Variants in CHIC2 observed in about 807,000 individuals in gnomAD.
The protein encoded by CHIC2 is cysteine-rich hydrophobic domain-containing protein 2.
A neutral mutation model predicts 25.9 loss-of-function variants in CHIC2; 14 were observed. The ratio of observed to expected loss-of-function variants is 0.54; its 90% CI spans 0.36 to 0.85. The LOEUF (loss-of-function observed/expected upper bound fraction) is 0.85, where lower values mean the gene tolerates loss of function less well. Ranked by LOEUF, CHIC2 falls within the 40% of genes least tolerant of loss-of-function variation. The pLI, the probability that CHIC2 is intolerant of heterozygous loss-of-function variation, is 0.01. For missense variants in CHIC2, 146 were observed against 202.0 expected, an observed-to-expected ratio of 0.72 and a Z score of 1.68; for synonymous variants, 70 against 72.0, an observed-to-expected ratio of 0.97 and a Z score of 0.14.
intron 3 of CHIC2, among the ~76,000 whole-genome samples, chr4:54,033,194 T>C (rs972331007): frequency 1.3e-5 from 2 of 152,238 alleles, no homozygotes; most frequent in Admixed American, 6.5e-5. Context: ...TATTTCCTTA[T>C]AGCAATGCAA....
chr4:54,023,462 C>A (rs1321755632), intron 3 of CHIC2, among the ~76,000 whole-genome samples: 4 of 152,182 alleles, frequency 2.6e-5, no homozygotes, highest in African/African-American at 7.2e-5. Flanking sequence ...GGGTCTCCCA[C>A]AATTACCACT....
At chr4:54,075,735 G>T in the CHIC2 span, among the ~76,000 whole-genome samples, 1 of 151,966 alleles carries the variant, frequency 6.6e-6, no homozygotes, top group Non-Finnish European at 1.5e-5. Context: ...TGTATTTTTA[G>T]TAGAGATGAG....
chr4:54,068,733 C>T (rs1717563748), upstream of CHIC2, among the ~76,000 whole-genome samples: 1 of 152,168 alleles, frequency 6.6e-6, no homozygotes, highest in East Asian at 1.9e-4. Flanking sequence ...GCAGTGGGCA[C>T]CAGCTGTATG....
At chr4:54,014,984 A>G (rs1299871748) in intron 3 of CHIC2, among the ~76,000 whole-genome samples, 2 of 152,192 alleles carry the variant, frequency 1.3e-5, no homozygotes, top group Non-Finnish European at 2.9e-5. Context: ...TGTGGTATAA[A>G]GAAGTACTAG....
chr4:54,091,301 CAG>C, the CHIC2 span, among the ~76,000 whole-genome samples: 1 of 152,172 alleles, frequency 6.6e-6, no homozygotes, highest in East Asian at 1.9e-4. Context: ...TCTGCGCGGA[CAG>C]AGGCACTGGG....
At chr4:54,027,616 T>C (rs1436495711) in intron 3 of CHIC2, among the ~76,000 whole-genome samples, 1 of 152,156 alleles carries the variant, frequency 6.6e-6, no homozygotes, top group Non-Finnish European at 1.5e-5. Context: ...CATTATTCTG[T>C]ATCTTATAAT....
the CHIC2 span, among the ~76,000 whole-genome samples, chr4:54,071,600 C>A: frequency 1.3e-5 from 2 of 152,232 alleles, no homozygotes; most frequent in South Asian, 2.1e-4. Context: ...GTCTTAAACA[C>A]CACTAGAGAA....
intron 3 of CHIC2, among the ~76,000 whole-genome samples, chr4:54,023,350 C>T (rs918961569): frequency 6.6e-6 from 1 of 152,156 alleles, no homozygotes; most frequent in African/African-American, 2.4e-5. Context: ...CTATGCTCAA[C>T]TCACTCTCTA....
chr4:54,066,903 T>C (rs565091506), upstream of CHIC2, among the ~76,000 whole-genome samples: 62 of 152,360 alleles, frequency 4.1e-4, no homozygotes, highest in Middle Eastern at 3.4e-3. Flanking sequence ...TTCACCCTTA[T>C]GTAGAAACAG....
chr4:54,050,856 T>C (rs990394954), intron 1 of CHIC2, among the ~76,000 whole-genome samples: 136 of 152,092 alleles, frequency 8.9e-4, no homozygotes, highest in South Asian at 6.2e-4. Flanking sequence ...GTAGTCCCCA[T>C]AGTTAAGCAC....
intron 1 of CHIC2, among the ~76,000 whole-genome samples, chr4:54,050,131 T>C (rs934399779): frequency 3.9e-5 from 6 of 152,174 alleles, no homozygotes; most frequent in African/African-American, 1.2e-4. Flanking sequence ...GCACATTCCA[T>C]GCAACACTTC....
chr4:54,054,567 T>C (rs1717114785), intron 1 of CHIC2, among the ~76,000 whole-genome samples: 1 of 152,200 alleles, frequency 6.6e-6, no homozygotes, highest in African/African-American at 2.4e-5. Flanking sequence ...TCTGAAAAGA[T>C]GCTACACAGC....
At chr4:54,025,624 C>G (rs566136262) in intron 3 of CHIC2, among the ~76,000 whole-genome samples, 1 of 151,898 alleles carries the variant, frequency 6.6e-6, no homozygotes, top group Non-Finnish European at 1.5e-5. Flanking sequence ...TTTGGGATAC[C>G]GAGAAGGGCG....
At chr4:54,020,606 T>G (rs1354074105) in intron 3 of CHIC2, among the ~76,000 whole-genome samples, 1 of 152,084 alleles carries the variant, frequency 6.6e-6, no homozygotes, top group African/African-American at 2.4e-5. Context: ...CAACCTCGGG[T>G]CCTCAGACCA....
the CHIC2 span, among the ~76,000 whole-genome samples, chr4:54,084,293 G>T: frequency 2.0e-5 from 3 of 152,236 alleles, no homozygotes; most frequent in African/African-American, 7.2e-5. Flanking sequence ...ATTTCCAGAA[G>T]TTCCTCTAAC....
intron 1 of CHIC2, among the ~76,000 whole-genome samples, chr4:54,050,377 T>C (rs1393815588): frequency 2.0e-5 from 3 of 152,120 alleles, no homozygotes; most frequent in African/African-American, 7.2e-5. Flanking sequence ...CTCCAGTCTA[T>C]AGTCATAACT....
intron 3 of CHIC2, among the ~76,000 whole-genome samples, chr4:54,028,045 T>G (rs1716116286): frequency 6.6e-6 from 1 of 152,170 alleles, no homozygotes; most frequent in African/African-American, 2.4e-5. Context: ...TTTCTTTCCT[T>G]TACTGTTTGT....
the CHIC2 span, chr4:54,087,493 C>A: frequency 4.2e-6 from 4 of 947,686 alleles, no homozygotes; most frequent in Non-Finnish European, 4.5e-6. Flanking sequence ...AATATTTCGA[C>A]GTGATGTTAG....
the CHIC2 span, chr4:54,086,999 C>T: frequency 6.2e-6 from 6 of 968,820 alleles, no homozygotes; most frequent in Admixed American, 1.1e-4. Flanking sequence ...AAAAAACCAA[C>T]TAGAAGCAAC....
Sources: gnomAD v4.1 joint callset for allele counts (sites outside exome capture counted in the v4.1 genomes callset) on GRCh38, gnomAD v4.1.1 for gene constraint, MANE v1.5 for transcripts, NCBI Gene and HGNC (gene_info 2026-07-23, HGNC 2026-07-21) for gene names.